Variants in FRMD5 observed in about 807,000 individuals in gnomAD.
FRMD5 encodes FERM domain containing 5.
FRMD5 carries 20 observed loss-of-function variants against 69.0 expected under a neutral mutation model. That is an observed-to-expected ratio of 0.29 (90% confidence interval 0.20 to 0.42). FRMD5 has a LOEUF of 0.42. Ranked by LOEUF, FRMD5 falls within the 10% of genes least tolerant of loss-of-function variation. The pLI is 1.00. For synonymous variants in FRMD5, 271 were observed against 260.1 expected (o/e 1.04, Z -0.40); for missense variants, 595 against 708.6 (o/e 0.84, Z 1.82).
chr15:43,888,146 G>C (rs749969595), intron 10 of FRMD5, 29 bp downstream of exon 10: 1 of 1,529,486 alleles, frequency 6.5e-7, no homozygotes, highest in South Asian at 1.1e-5. Flanking sequence ...CTCTAAGAAA[G>C]ACAGTCCCCA....
At chr15:44,119,972 G>T (rs1369252036) in intron 1 of FRMD5, among the ~76,000 whole-genome samples, 2 of 152,112 alleles carry the variant, frequency 1.3e-5, no homozygotes, top group African/African-American at 4.8e-5. Flanking sequence ...TATATTTCAA[G>T]GGAACAGAAT....
chr15:43,889,596 G>A (rs1310204980), intron 8 of FRMD5, among the ~76,000 whole-genome samples: 1 of 152,172 alleles, frequency 6.6e-6, no homozygotes, highest in African/African-American at 2.4e-5. Flanking sequence ...GAAGTGACAT[G>A]GTTACTGTAC....
chr15:43,873,456 C>T lies in FRMD5; in HGVS notation c.*429G>A, dbSNP rs2088219786. 1.4e-6 allele frequency: 2 copies of T among 1,428,022 alleles called. No individual in the cohort carries two copies. Among genetic ancestry groups the T allele is most frequent in the Non-Finnish European group, 1.8e-6 (2 of 1,101,204 alleles). 88.5% of individuals were successfully genotyped at this position (1,428,022 alleles called of 1,614,324 possible). Reference sequence around the variant, plus strand: ...GTGGCACCAGCAGGAAAAGCTCCTGCAGAATACAGAGGACAGCAGCTCTCT... The same window carrying T: ...GTGGCACCAGCAGGAAAAGCTCCTGTAGAATACAGAGGACAGCAGCTCTCT... On this transcript the variant is annotated 3_prime_UTR_variant, in exon 14 of 14. Transcript: ENST00000417257.
intron 13 of FRMD5, chr15:43,876,345 C>T (rs1479732094): frequency 2.2e-5 from 19 of 864,838 alleles, no homozygotes; most frequent in Middle Eastern, 3.3e-4. Context: ...GCTGGGACCA[C>T]GGTTTGAGTC....
At chr15:44,124,379 G>A (rs548870933) in intron 1 of FRMD5, among the ~76,000 whole-genome samples, 104 of 152,098 alleles carry the variant, frequency 6.8e-4, no homozygotes, top group Middle Eastern at 6.8e-3. Flanking sequence ...AGGAAAAAAA[G>A]AGGTAGGAAG....
intron 7 of FRMD5, among the ~76,000 whole-genome samples, chr15:43,895,285 T>G (rs910282982): frequency 6.6e-6 from 1 of 151,414 alleles, no homozygotes; most frequent in Non-Finnish European, 1.5e-5. Context: ...CATGGAAGAG[T>G]GGGGTGATCC....
intron 1 of FRMD5, among the ~76,000 whole-genome samples, chr15:43,992,852 G>A (rs187534270): frequency 1.3e-5 from 2 of 152,230 alleles, no homozygotes; most frequent in Admixed American, 6.5e-5. Context: ...GGGATTACAG[G>A]CATGAGACAA....
chr15:44,075,103 T>C (rs1475413432), intron 1 of FRMD5, among the ~76,000 whole-genome samples: 2 of 152,176 alleles, frequency 1.3e-5, no homozygotes, highest in Non-Finnish European at 2.9e-5. Context: ...TAGTATAAAA[T>C]AGAACATGTT....
chr15:44,123,205 C>G lies in FRMD5; in HGVS notation c.102+71748G>C, dbSNP rs553549627. On this transcript the variant is annotated intron_variant, in intron 1 of 13. Coordinates refer to ENST00000417257, the MANE Select transcript of FRMD5 (RefSeq NM_032892.5). ...ACTAAAAATACAAAAATTAGCCAGGCATTGTGGCAGGCACCAATAATCTCA... is the reference window on the plus strand; with the variant it reads ...ACTAAAAATACAAAAATTAGCCAGGGATTGTGGCAGGCACCAATAATCTCA... Among the ~76,000 whole-genome samples, 34 of 152,052 alleles carry G rather than the reference C, an allele frequency of 2.2e-4. No individual in the cohort carries two copies. In the South Asian group the frequency reaches 2.3e-3, roughly 10 times the overall value.
chr15:43,976,997 A>AT (rs955012730), intron 1 of FRMD5, among the ~76,000 whole-genome samples: 110 of 151,480 alleles, frequency 7.3e-4, no homozygotes, highest in Non-Finnish European at 1.5e-3. Context: ...CACCCAGCTA[A>AT]TTTTTTTTGC....
chr15:44,048,457 A>G (rs552586974), intron 1 of FRMD5, among the ~76,000 whole-genome samples: 1 of 152,122 alleles, frequency 6.6e-6, no homozygotes, highest in Admixed American at 6.5e-5. Flanking sequence ...TCTGGATATG[A>G]GTCCCTTATC....
chr15:43,885,525 A>G, intron 11 of FRMD5, 156 bp downstream of exon 11: 1 of 651,816 alleles, frequency 1.5e-6, no homozygotes, highest in Admixed American at 2.5e-5. Context: ...AAGGAAGGAA[A>G]TAGTAAAAGG....
Position 43,927,363 on chromosome 15 carries a change from G to C in FRMD5, c.103-3054C>G, listed in dbSNP as rs1360838275. The stretch of plus-strand genomic sequence containing the variant: ...TGAACTCGCAGGCCCTATTCCTCCT[G>C]TCTTTGGTCCCCTACAGGAAAGAGT... On this transcript the variant is annotated intron_variant, in intron 1 of 13. Coordinates refer to ENST00000417257, the MANE Select transcript of FRMD5 (RefSeq NM_032892.5). Among the ~76,000 whole-genome samples, 3 of 152,000 alleles carry C rather than the reference G, an allele frequency of 2.0e-5. No homozygotes were observed. The South Asian group carries it at 6.2e-4, about 32-fold the overall frequency.
chr15:44,165,418 T>C (rs1016786892), intron 1 of FRMD5, among the ~76,000 whole-genome samples: 2 of 152,004 alleles, frequency 1.3e-5, no homozygotes, highest in Admixed American at 1.3e-4. Flanking sequence ...TGAGACTCCA[T>C]CTCAATCAAT....
chr15:43,930,040 A>G (rs2089648613), intron 1 of FRMD5, among the ~76,000 whole-genome samples: 1 of 152,214 alleles, frequency 6.6e-6, no homozygotes, highest in Admixed American at 6.5e-5. Flanking sequence ...CTATGGTCAC[A>G]TGCTACACCC....
chr15:44,059,706 G>A (rs998304502), intron 1 of FRMD5, among the ~76,000 whole-genome samples: 12 of 151,850 alleles, frequency 7.9e-5, no homozygotes, highest in South Asian at 2.1e-4. Context: ...TAGTAGAGAC[G>A]GGGTTTCACC....
At chr15:43,881,009 C>G (rs1233902222) in intron 13 of FRMD5, among the ~76,000 whole-genome samples, 1 of 152,182 alleles carries the variant, frequency 6.6e-6, no homozygotes, top group African/African-American at 2.4e-5. Flanking sequence ...TTCTACTAAC[C>G]CTACTTGGCA....
chr15:44,040,238 A>G (rs1892126813), intron 1 of FRMD5, among the ~76,000 whole-genome samples: 1 of 152,174 alleles, frequency 6.6e-6, no homozygotes, highest in Non-Finnish European at 1.5e-5. Context: ...GTTGGAAAAC[A>G]CTTCAGGATA....
upstream of FRMD5, among the ~76,000 whole-genome samples, chr15:44,197,948 C>A (rs1412137301): frequency 6.6e-6 from 1 of 152,046 alleles, no homozygotes; most frequent in Non-Finnish European, 1.5e-5. Flanking sequence ...GCCATAGTTG[C>A]AATCAACAGA....
Sources: allele counts gnomAD v4.1 joint callset (sites outside exome capture counted in the v4.1 genomes callset), GRCh38; gene constraint gnomAD v4.1.1; transcripts MANE v1.5; gene names NCBI Gene and HGNC (gene_info 2026-07-23, HGNC 2026-07-21).